Variants in TRIM71 observed in about 807,000 individuals in gnomAD.
TRIM71 encodes the protein E3 ubiquitin-protein ligase TRIM71.
TRIM71 carries 9 observed loss-of-function variants against 61.2 expected under a neutral mutation model. The ratio of observed to expected loss-of-function variants is 0.15; its 90% CI spans 0.09 to 0.26. The LOEUF is 0.26. Among genes scored for constraint, TRIM71 ranks in the 10% least tolerant of loss-of-function variants. The pLI is 1.00. For synonymous variants in TRIM71, 645 were observed against 553.2 expected (o/e 1.17, Z -2.33); for missense variants, 998 against 1,238.7 (o/e 0.81, Z 2.92).
In TRIM71 at chr3:32,892,012, A is replaced by C. The variant is rs1697032733; in HGVS notation, c.*201A>C. ...CTCATCTTTATTTTTTTACAGATGA[A>C]TGTACTTATCTTTTCTGCAGGGATT... On this transcript the variant is annotated 3_prime_UTR_variant, in exon 4 of 4. Coordinates refer to ENST00000383763, the MANE Select transcript of TRIM71 (RefSeq NM_001039111.3). 2.9e-6 allele frequency: 2 copies of C among 689,882 alleles called. No homozygotes were observed. The highest frequency in any genetic ancestry group is 1.9e-5 in the African/African-American group (1 of 53,372). 42.7% of individuals were successfully genotyped at this position (689,882 alleles called of 1,614,324 possible).
chr3:32,857,009 A>G lies in TRIM71; in HGVS notation c.853-16809A>G, dbSNP rs540275267. On this transcript the variant is annotated intron_variant, in intron 1 of 3. Transcript: ENST00000383763. ...AATTGCTGGAGAAGGACCACTCAAC[A>G]TTTGAACCCGGGTTTTCTGACTCCA... is the stretch of plus-strand genomic sequence containing the variant. Among the ~76,000 whole-genome samples the G allele has an allele frequency of 1.4e-3, 214 of 152,204 alleles. 1 individual carries two copies. Among genetic ancestry groups the G allele is most frequent in the Middle Eastern group, 0.01 (3 of 292 alleles).
chr3:32,846,566 A>G (rs1422088860), intron 1 of TRIM71, among the ~76,000 whole-genome samples: 1 of 152,222 alleles, frequency 6.6e-6, no homozygotes, highest in Non-Finnish European at 1.5e-5. Context: ...TGTGGTCACC[A>G]TGCTGTGCAT....
chr3:32,869,903 G>T (rs1241530144), intron 1 of TRIM71, among the ~76,000 whole-genome samples: 4 of 152,204 alleles, frequency 2.6e-5, no homozygotes, highest in African/African-American at 9.7e-5. Context: ...CTGTGCATCT[G>T]CCCGGGAAGC....
chr3:32,883,500 T>G (rs1696930346), intron 2 of TRIM71, among the ~76,000 whole-genome samples: 1 of 152,252 alleles, frequency 6.6e-6, no homozygotes, highest in African/African-American at 2.4e-5. Flanking sequence ...TCTGCTTTGG[T>G]CTTCACGTGG....
chr3:32,882,824 G>C (rs1226104004), intron 2 of TRIM71, among the ~76,000 whole-genome samples: 3 of 152,140 alleles, frequency 2.0e-5, no homozygotes, highest in Non-Finnish European at 4.4e-5. Flanking sequence ...TTACAGGTGT[G>C]AGCCACCGTA....
intron 2 of TRIM71, among the ~76,000 whole-genome samples, chr3:32,885,263 A>T (rs1288549467): frequency 6.6e-6 from 1 of 151,976 alleles, no homozygotes. Flanking sequence ...TGATAACACC[A>T]TGCCTTCTGT....
At chr3:32,860,850 T>C (rs927047585) in intron 1 of TRIM71, among the ~76,000 whole-genome samples, 4 of 152,152 alleles carry the variant, frequency 2.6e-5, no homozygotes, top group Non-Finnish European at 4.4e-5. Context: ...GAGTAGAGGC[T>C]ACAAACACTA....
intron 1 of TRIM71, among the ~76,000 whole-genome samples, chr3:32,822,979 A>G (rs2125673509): frequency 6.6e-6 from 1 of 152,348 alleles, no homozygotes; most frequent in African/African-American, 2.4e-5. Context: ...AGAGAAAGTG[A>G]ACAGAAATGG....
intron 1 of TRIM71, among the ~76,000 whole-genome samples, chr3:32,821,339 G>A (rs1205221686): frequency 6.6e-6 from 1 of 152,108 alleles, no homozygotes; most frequent in East Asian, 1.9e-4. Flanking sequence ...CACAGGCTCC[G>A]TTAAATAATT....
intron 1 of TRIM71, among the ~76,000 whole-genome samples, chr3:32,819,244 GGTGT>G (rs958685697): frequency 1.0e-5 from 1 of 98,766 alleles, no homozygotes; most frequent in East Asian, 3.2e-4. Context: ...GGAGGAGATA[GGTGT>G]GTGTGTTTGT....
At chr3:32,871,163 A>G (rs889108247) in intron 1 of TRIM71, among the ~76,000 whole-genome samples, 2 of 152,146 alleles carry the variant, frequency 1.3e-5, no homozygotes, top group African/African-American at 4.8e-5. Flanking sequence ...GTACCCAGTC[A>G]GGCCCCTTTT....
intron 2 of TRIM71, among the ~76,000 whole-genome samples, chr3:32,876,549 A>G (rs930696849): frequency 1.5e-4 from 23 of 152,238 alleles, no homozygotes; most frequent in Admixed American, 1.4e-3. Context: ...GTGCCACTGC[A>G]CTCCAGCCTG....
intron 1 of TRIM71, among the ~76,000 whole-genome samples, chr3:32,867,565 G>GTCT (rs1696751995): frequency 1.3e-5 from 2 of 152,034 alleles, no homozygotes; most frequent in Non-Finnish European, 1.5e-5. Flanking sequence ...TGATCCTTTT[G>GTCT]TCTTGGCCTC....
In TRIM71 at chr3:32,891,934, TC is replaced by T; in HGVS notation, c.*124del. The T allele has an allele frequency of 7.2e-7, 1 of 1,390,234 alleles. No homozygotes were observed. Among genetic ancestry groups the T allele is most frequent in the Non-Finnish European group, 9.4e-7 (1 of 1,059,770 alleles). 86.1% of individuals were successfully genotyped at this position (1,390,234 alleles called of 1,614,324 possible). ...AACAGTCTCAGGGAAATTTCTTTTT[TC>T]TTTTTTTTTTTTAAAGAGAACAAGA... On this transcript the variant is annotated 3_prime_UTR_variant, in exon 4 of 4. Transcript: ENST00000383763. The surrounding 1 kb of genome is among the most constrained non-coding windows in gnomAD (Gnocchi z 8.2).
intron 1 of TRIM71, among the ~76,000 whole-genome samples, chr3:32,838,457 A>T (rs1223645895): frequency 6.6e-6 from 1 of 150,996 alleles, no homozygotes; most frequent in Non-Finnish European, 1.5e-5. Flanking sequence ...CTCCTGACTC[A>T]AGTGATCCAC....
intron 2 of TRIM71, among the ~76,000 whole-genome samples, chr3:32,878,596 CAA>C (rs1227679744): frequency 6.6e-6 from 1 of 151,998 alleles, no homozygotes; most frequent in Non-Finnish European, 1.5e-5. Context: ...GCCTGGGCAA[CAA>C]GAGCGAAACC....
chr3:32,821,794 G>A (rs1696137439), intron 1 of TRIM71, among the ~76,000 whole-genome samples: 1 of 151,154 alleles, frequency 6.6e-6, no homozygotes, highest in Admixed American at 6.6e-5. Context: ...GGGAGAGGCG[G>A]GCGCAGGTAG....
intron 1 of TRIM71, among the ~76,000 whole-genome samples, chr3:32,846,671 C>T (rs1696478647): frequency 6.6e-6 from 1 of 151,218 alleles, no homozygotes; most frequent in Non-Finnish European, 1.5e-5. Flanking sequence ...TCCCCAGCCC[C>T]CCGCTCCAAC....
chr3:32,846,294 C>G (rs969446437), intron 1 of TRIM71, among the ~76,000 whole-genome samples: 11 of 152,068 alleles, frequency 7.2e-5, no homozygotes, highest in Admixed American at 2.6e-4. Context: ...CCAGGATGGT[C>G]TCGATCTCCT....
Sources: allele counts gnomAD v4.1 joint callset (sites outside exome capture counted in the v4.1 genomes callset), GRCh38; gene constraint gnomAD v4.1.1; non-coding constraint Gnocchi (gnomAD v3.1); transcripts MANE v1.5; gene names NCBI Gene and HGNC (gene_info 2026-07-23, HGNC 2026-07-21).